Variants in CALCR observed in about 807,000 individuals in gnomAD.
CALCR encodes the protein calcitonin receptor.
Under a neutral mutation model 59.5 loss-of-function variants are expected in CALCR, and 47 were observed. That is an observed-to-expected ratio of 0.79 (90% CI 0.63 to 1.01). The LOEUF is 1.01. CALCR is among the 50% of genes least tolerant of loss of function. The probability of loss-of-function intolerance (pLI) is 0.00; values close to 1 mark genes in which losing one functional copy is unlikely to be tolerated. For missense variants in CALCR, 566 were observed against 597.1 expected (o/e 0.95, Z 0.54); for synonymous variants, 213 against 211.3 (o/e 1.01, Z -0.07).
In CALCR at chr7:93,468,759, TG is replaced by T; in HGVS notation, c.476del (p.Ser159Ter). On this transcript the variant is annotated frameshift_variant, in exon 7 of 14. Coordinates refer to ENST00000426151, the MANE Select transcript of CALCR (RefSeq NM_001742.4). LOFTEE classifies it high-confidence loss of function. ...CCAGGGAAATCACTAGGGTGAAAAT[TG>T]ACAAAGAATGACCCACAATAGCCAA... ...YYLAIVGHSL[S>X]IFTLVISLGI... 6.2e-7 allele frequency: 1 copy of T among 1,610,900 alleles called. No individual in the cohort carries two copies. The highest frequency in any genetic ancestry group is 8.5e-7 in the Non-Finnish European group (1 of 1,178,142).
At chr7:93,430,367 G>T (rs1294439341) in intron 13 of CALCR, among the ~76,000 whole-genome samples, 1 of 152,126 alleles carries the variant, frequency 6.6e-6, no homozygotes, top group African/African-American at 2.4e-5. Flanking sequence ...GGCCATAGCA[G>T]CAATATCTCT....
chr7:93,531,722 C>T (rs574223571), intron 2 of CALCR, among the ~76,000 whole-genome samples: 6 of 151,960 alleles, frequency 3.9e-5, no homozygotes, highest in East Asian at 3.9e-4. Context: ...CAACTGTGAA[C>T]GCTACTTGTA....
chr7:93,478,649 A>G (rs1800724445), intron 4 of CALCR, among the ~76,000 whole-genome samples: 1 of 150,880 alleles, frequency 6.6e-6, no homozygotes, highest in Non-Finnish European at 1.5e-5. Flanking sequence ...ATATATATAT[A>G]TATATATATA....
At chr7:93,519,303 A>G (rs1801710388) in intron 2 of CALCR, among the ~76,000 whole-genome samples, 1 of 152,164 alleles carries the variant, frequency 6.6e-6, no homozygotes. Flanking sequence ...ATGTGGCATC[A>G]ATATGATAGT....
At chr7:93,548,375 C>T (rs1471118522) in intron 2 of CALCR, among the ~76,000 whole-genome samples, 2 of 152,122 alleles carry the variant, frequency 1.3e-5, no homozygotes, top group African/African-American at 4.8e-5. Flanking sequence ...TCTTTGCTTT[C>T]AACAACATTG....
intron 2 of CALCR, among the ~76,000 whole-genome samples, chr7:93,527,493 A>G (rs1203465992): frequency 6.6e-6 from 1 of 152,104 alleles, no homozygotes; most frequent in Non-Finnish European, 1.5e-5. Context: ...ATAATTCTTG[A>G]AATTTAATTG....
At chr7:93,503,298 A>G (rs1192348293) in intron 2 of CALCR, among the ~76,000 whole-genome samples, 1 of 152,120 alleles carries the variant, frequency 6.6e-6, no homozygotes, top group Admixed American at 6.6e-5. Flanking sequence ...GAGGTAAGAC[A>G]TAACTACTCA....
chr7:93,488,825 A>G (rs1801009145), intron 2 of CALCR, among the ~76,000 whole-genome samples: 1 of 151,768 alleles, frequency 6.6e-6, no homozygotes, highest in South Asian at 2.1e-4. Flanking sequence ...GGAGACTTTA[A>G]CATTCTACTA....
At chr7:93,511,081 TTC>T (rs1210781088) in intron 2 of CALCR, among the ~76,000 whole-genome samples, 6 of 143,236 alleles carry the variant, frequency 4.2e-5, no homozygotes, top group Admixed American at 6.9e-5. Flanking sequence ...CTCTCTCTCT[TTC>T]TCTCTCTCTC....
At chr7:93,431,153 GAC>G (rs2115668202) in intron 13 of CALCR, among the ~76,000 whole-genome samples, 1 of 152,326 alleles carries the variant, frequency 6.6e-6, no homozygotes, top group South Asian at 2.1e-4. Flanking sequence ...AGGAGAGAAA[GAC>G]ACACAAATGG....
chr7:93,439,492 T>G (rs1321551976), intron 9 of CALCR, among the ~76,000 whole-genome samples: 3 of 152,196 alleles, frequency 2.0e-5, no homozygotes, highest in African/African-American at 7.2e-5. Flanking sequence ...GAAAGGAAAG[T>G]GCTTTCTACT....
At position 93,563,714 on chromosome 7, in the gene CALCR, ATT is replaced by A. The variant is rs373727864; in HGVS notation, c.-27+10573_-27+10574del. Among the ~76,000 whole-genome samples, 590 of 152,348 alleles carry A rather than the reference ATT, an allele frequency of 3.9e-3. 7 individuals carry two copies. Among genetic ancestry groups the A allele is most frequent in the African/African-American group, 0.014 (574 of 41,590 alleles). ...CACACAAAATGCAAAACTGAAAGAC[ATT>A]TTATATCCTAACGACAGAGCTTTGG... On this transcript the variant is annotated intron_variant, in intron 2 of 13. Transcript: ENST00000426151.
chr7:93,547,609 G>C (rs1789325054), intron 2 of CALCR, among the ~76,000 whole-genome samples: 1 of 152,134 alleles, frequency 6.6e-6, no homozygotes, highest in Admixed American at 6.6e-5. Context: ...TGATCTACTA[G>C]AAGTCCACAC....
chr7:93,460,564 A>G (rs1383484111), intron 8 of CALCR, among the ~76,000 whole-genome samples: 1 of 85,388 alleles, frequency 1.2e-5, no homozygotes, highest in African/African-American at 9.5e-5. Flanking sequence ...TAAAAAAAAA[A>G]AAAAAAAAAT....
chr7:93,560,775 T>C (rs904886848), intron 2 of CALCR, among the ~76,000 whole-genome samples: 1 of 152,080 alleles, frequency 6.6e-6, no homozygotes, highest in African/African-American at 2.4e-5. Flanking sequence ...GAAGATAAAG[T>C]TTGGGATGCA....
intron 3 of CALCR, among the ~76,000 whole-genome samples, chr7:93,485,137 A>T (rs1440700982): frequency 6.6e-6 from 1 of 151,730 alleles, no homozygotes; most frequent in East Asian, 2.0e-4. Flanking sequence ...GGACATATCA[A>T]ATTTTGTTTT....
At chr7:93,454,094 C>T (rs770058758) in intron 8 of CALCR, among the ~76,000 whole-genome samples, 12 of 151,952 alleles carry the variant, frequency 7.9e-5, no homozygotes, top group Non-Finnish European at 1.5e-4. Context: ...CCATTGACCT[C>T]TCATCTCAAA....
chr7:93,479,050 T>C (rs984337650), intron 4 of CALCR, among the ~76,000 whole-genome samples: 1 of 151,840 alleles, frequency 6.6e-6, no homozygotes, highest in Admixed American at 6.6e-5. Flanking sequence ...TTCCCTTTCC[T>C]GTCATTTTGT....
At chr7:93,454,110 T>G (rs1031976391) in intron 8 of CALCR, among the ~76,000 whole-genome samples, 5 of 152,116 alleles carry the variant, frequency 3.3e-5, no homozygotes, top group Admixed American at 1.3e-4. Flanking sequence ...TCAAAAACTC[T>G]GCTATCTCGG....
Sources: allele counts gnomAD v4.1 joint callset (sites outside exome capture counted in the v4.1 genomes callset), GRCh38; gene constraint gnomAD v4.1.1; transcripts MANE v1.5; gene names NCBI Gene and HGNC (gene_info 2026-07-23, HGNC 2026-07-21).